SDK1: variants seen among roughly 807,000 people sequenced by gnomAD.
SDK1 encodes protein sidekick-1.
A neutral mutation model predicts 245.5 loss-of-function variants in SDK1; 157 were observed. The ratio of observed to expected loss-of-function variants is 0.64; its 90% CI spans 0.56 to 0.73. The LOEUF is 0.73. Ranked by LOEUF, SDK1 falls within the 30% of genes least tolerant of loss-of-function variation. SDK1 has a pLI of 0.00. For synonymous variants in SDK1, 1,647 were observed against 1,278.5 expected, an observed-to-expected ratio of 1.29 and a Z score of -6.15; for missense variants, 3,583 against 3,002.3, an observed-to-expected ratio of 1.19 and a Z score of -4.52.
chr7:3,430,030 T>C (rs1779792085), intron 1 of SDK1, among the ~76,000 whole-genome samples: 1 of 152,220 alleles, frequency 6.6e-6, no homozygotes. Context: ...CATATTACAT[T>C]TCAAGTGCCA....
intron 1 of SDK1, among the ~76,000 whole-genome samples, chr7:3,599,869 G>C (rs1781198858): frequency 1.3e-5 from 2 of 152,198 alleles, no homozygotes; most frequent in Admixed American, 6.5e-5. Flanking sequence ...AAATCAGGAA[G>C]AGTGATTCCT....
intron 5 of SDK1, among the ~76,000 whole-genome samples, chr7:3,911,533 T>G (rs182866461): frequency 6.6e-6 from 1 of 152,242 alleles, no homozygotes; most frequent in Admixed American, 6.5e-5. Context: ...ACTAATCCCA[T>G]TCACAAGGGC....
rs1562854148 is a variant in SDK1, at chr7:4,129,905, C to A, written c.3940-3C>A. On this transcript the variant is annotated splice_polypyrimidine_tract_variant and splice_region_variant and intron_variant, in intron 26 of 44. Coordinates refer to ENST00000404826, the MANE Select transcript of SDK1 (RefSeq NM_152744.4). The stretch of plus-strand genomic sequence containing the variant: ...TAACCCTCGTGCTGTGTCGATACCA[C>A]AGATCCTGTTCCGGGCCAAAGACCT... The A allele has an allele frequency of 6.2e-7, 1 of 1,613,510 alleles. No homozygotes were observed. The highest frequency in any genetic ancestry group is 8.5e-7 in the Non-Finnish European group (1 of 1,179,868).
In SDK1 at chr7:4,174,213, T is replaced by A; in HGVS notation, c.4801-9T>A. On this transcript the variant is annotated splice_polypyrimidine_tract_variant and intron_variant, in intron 32 of 44. Transcript: ENST00000404826. ...ATGGTGTGGCTGAGTCGGTGTGATG[T>A]CTTTGCAGCCTCCGAGGGACGAAAG... 1 of 1,613,898 alleles carries A rather than the reference T, an allele frequency of 6.2e-7. No individual in the cohort carries two copies. Among genetic ancestry groups the A allele is most frequent in the Non-Finnish European group, 8.5e-7 (1 of 1,179,886 alleles).
At chr7:3,474,091 GTTTTTTTTTTTTTTTTTTT>G (rs869083123) in intron 1 of SDK1, among the ~76,000 whole-genome samples, 1 of 43,228 alleles carries the variant, frequency 2.3e-5, no homozygotes. Flanking sequence ...ACCAGATGGT[GTTTTTTTTTTTTTTTTTTT>G]TTTTTTTTTT....
chr7:3,634,240 A>G (rs762412333), intron 2 of SDK1, among the ~76,000 whole-genome samples: 8 of 152,126 alleles, frequency 5.3e-5, no homozygotes, highest in Admixed American at 3.3e-4. Context: ...TTCAGATCCT[A>G]GGTAGACTGA....
chr7:3,878,376 C>A (rs542127896), intron 5 of SDK1, among the ~76,000 whole-genome samples: 2 of 152,198 alleles, frequency 1.3e-5, no homozygotes, highest in Non-Finnish European at 2.9e-5. Context: ...AAAAAATTAG[C>A]TGGGCATGGT....
intron 25 of SDK1, among the ~76,000 whole-genome samples, chr7:4,116,825 G>A (rs564875066): frequency 3.3e-5 from 5 of 152,320 alleles, no homozygotes; most frequent in African/African-American, 9.6e-5. Flanking sequence ...AAGAGCAGCC[G>A]TGGTGACAAC....
intron 1 of SDK1, among the ~76,000 whole-genome samples, chr7:3,370,668 A>G (rs190493278): frequency 6.6e-6 from 1 of 152,360 alleles, no homozygotes; most frequent in East Asian, 1.9e-4. Flanking sequence ...ATGTTCTTCA[A>G]TATGGCTGGT....
chr7:3,688,884 T>A (rs1050870198), intron 4 of SDK1, among the ~76,000 whole-genome samples: 5 of 152,156 alleles, frequency 3.3e-5, no homozygotes, highest in African/African-American at 1.2e-4. Context: ...GCCATTTTGT[T>A]CAGAACAGCA....
chr7:4,045,542 C>T (rs956507824), intron 17 of SDK1, among the ~76,000 whole-genome samples: 2 of 152,028 alleles, frequency 1.3e-5, no homozygotes, highest in South Asian at 2.1e-4. Context: ...CACTATGCCC[C>T]GCTTCATGTA....
At chr7:3,663,510 G>C (rs530343749) in intron 4 of SDK1, among the ~76,000 whole-genome samples, 2 of 152,282 alleles carry the variant, frequency 1.3e-5, no homozygotes, top group African/African-American at 4.8e-5. Flanking sequence ...TTGTTCTTCA[G>C]CTGAGGGACC....
chr7:3,420,580 A>G (rs1420596238), intron 1 of SDK1, among the ~76,000 whole-genome samples: 3 of 152,132 alleles, frequency 2.0e-5, no homozygotes, highest in African/African-American at 7.2e-5. Flanking sequence ...GAAAGATTTT[A>G]CTTAATTTTG....
rs1303884001 is a variant in SDK1, at chr7:4,267,154, G to A, written c.*1770G>A. ...CAGTCTTTCCAAAATTAGAGGGTAT[G>A]GCAAGTTTCCTTTTTTCTCTCCTCC... On this transcript the variant is annotated 3_prime_UTR_variant, in exon 45 of 45. Coordinates refer to ENST00000404826, the MANE Select transcript of SDK1 (RefSeq NM_152744.4). The A allele has an allele frequency of 3.0e-6, 3 of 985,054 alleles. No homozygotes were observed. Among genetic ancestry groups the A allele is most frequent in the Non-Finnish European group, 3.6e-6 (3 of 829,834 alleles). The allele number at this position is 985,054 out of a possible 1,614,324, so 61.0% of individuals were successfully genotyped here.
intron 14 of SDK1, among the ~76,000 whole-genome samples, chr7:4,007,787 G>A (rs1439572350): frequency 1.3e-5 from 2 of 151,980 alleles, no homozygotes; most frequent in African/African-American, 2.4e-5. Flanking sequence ...TGTATTTTTA[G>A]TAGAGGCGGG....
chr7:3,806,512 A>G (rs1243991424), intron 4 of SDK1, among the ~76,000 whole-genome samples: 3 of 152,250 alleles, frequency 2.0e-5, no homozygotes, highest in African/African-American at 7.2e-5. Flanking sequence ...CACCCAGCAG[A>G]GACCGTTACC....
At chr7:4,210,910 G>A (rs566737955) in intron 38 of SDK1, among the ~76,000 whole-genome samples, 4 of 152,302 alleles carry the variant, frequency 2.6e-5, no homozygotes, top group Admixed American at 2.0e-4. Context: ...GAAGAGACCG[G>A]AGTGACAAGG....
chr7:3,454,977 C>G (rs560482879), intron 1 of SDK1, among the ~76,000 whole-genome samples: 1 of 152,262 alleles, frequency 6.6e-6, no homozygotes, highest in East Asian at 1.9e-4. Context: ...TTCTCTGTAT[C>G]CTTGCCTGCA....
At chr7:3,877,737 C>T (rs558961221) in intron 5 of SDK1, among the ~76,000 whole-genome samples, 24 of 152,228 alleles carry the variant, frequency 1.6e-4, no homozygotes, top group African/African-American at 4.8e-4. Context: ...TCGTATAAGA[C>T]GGGGTATCAT....
Sources: gnomAD v4.1 joint callset for allele counts (sites outside exome capture counted in the v4.1 genomes callset) on GRCh38, gnomAD v4.1.1 for gene constraint, MANE v1.5 for transcripts, NCBI Gene and HGNC (gene_info 2026-07-23, HGNC 2026-07-21) for gene names.